TRAPPC9: variants seen among roughly 807,000 people sequenced by gnomAD.
The protein encoded by TRAPPC9 is IKK2 binding protein.
In TRAPPC9, 83 loss-of-function variants were observed where a neutral mutation model predicts 124.0. The observed-to-expected ratio is 0.67, with a 90% CI of 0.56 to 0.80. The LOEUF is 0.80. Among genes scored for constraint, TRAPPC9 ranks in the 30% least tolerant of loss-of-function variants. The pLI is 0.00. For missense variants in TRAPPC9, 1,302 were observed against 1,508.3 expected, an observed-to-expected ratio of 0.86 and a Z score of 2.27; for synonymous variants, 638 against 617.5, an observed-to-expected ratio of 1.03 and a Z score of -0.49.
intron 17 of TRAPPC9, among the ~76,000 whole-genome samples, chr8:140,190,199 T>A (rs1167891870): frequency 6.6e-6 from 1 of 152,184 alleles, no homozygotes; most frequent in Non-Finnish European, 1.5e-5. Context: ...CTCACGTCTG[T>A]AATCCCAGCA....
At chr8:139,940,012 C>A (rs6983691) in intron 19 of TRAPPC9, among the ~76,000 whole-genome samples, 1 of 152,070 alleles carries the variant, frequency 6.6e-6, no homozygotes, top group Non-Finnish European at 1.5e-5. Context: ...AATGACAGCT[C>A]AATTTGTTGT....
At chr8:140,156,888 A>G (rs1255617694) in intron 17 of TRAPPC9, among the ~76,000 whole-genome samples, 1 of 152,268 alleles carries the variant, frequency 6.6e-6, no homozygotes, top group Non-Finnish European at 1.5e-5. Flanking sequence ...CAGAGGCCCA[A>G]ATAAAATGAG....
chr8:140,123,156 G>A (rs958531154), intron 17 of TRAPPC9, among the ~76,000 whole-genome samples: 4 of 151,620 alleles, frequency 2.6e-5, no homozygotes, highest in African/African-American at 4.9e-5. Flanking sequence ...CTCAGTAACC[G>A]GCCACACCAT....
intron 2 of TRAPPC9, among the ~76,000 whole-genome samples, chr8:140,443,268 T>C (rs1414887515): frequency 1.3e-5 from 2 of 149,080 alleles, no homozygotes; most frequent in African/African-American, 2.5e-5. Context: ...ACCCCGTCTC[T>C]ACTAAAAAAT....
chr8:139,830,870 C>T (rs1825944739), intron 21 of TRAPPC9, among the ~76,000 whole-genome samples: 1 of 152,192 alleles, frequency 6.6e-6, no homozygotes, highest in South Asian at 2.1e-4. Context: ...GAGGGTCCCG[C>T]CCAGGACACC....
chr8:139,800,759 C>G (rs1823445261), intron 21 of TRAPPC9, among the ~76,000 whole-genome samples: 1 of 152,120 alleles, frequency 6.6e-6, no homozygotes, highest in Non-Finnish European at 1.5e-5. Context: ...TTCCCTCTCT[C>G]TGGTATCTTC....
rs531355967 is a variant in TRAPPC9 at position 140,249,673 on chromosome 8, G to A, written c.2431+3104C>T. On this transcript the variant is annotated intron_variant, in intron 16 of 22. Transcript: ENST00000438773. ...GGCTGGAGGGCAGTGGCGCGATCTC[G>A]GCTCACTGCAAGCTCCGCCTCCCGG... Among the ~76,000 whole-genome samples, 897 of 144,154 alleles carry A rather than the reference G, an allele frequency of 6.2e-3. 7 individuals carry two copies. Among genetic ancestry groups the A allele is most frequent in the Middle Eastern group, 0.031 (8 of 262 alleles). The allele number at this position is 144,154 out of a possible 152,430, so 94.6% of individuals were successfully genotyped here. A position where few individuals can be genotyped will look rare whatever the true frequency, so the allele number is the denominator to read the frequency against.
At chr8:140,286,406 C>T (rs536393491) in intron 13 of TRAPPC9, among the ~76,000 whole-genome samples, 1 of 152,090 alleles carries the variant, frequency 6.6e-6, no homozygotes, top group Admixed American at 6.5e-5. Flanking sequence ...GGAAGATCGC[C>T]GGGCCACAGA....
At chr8:140,130,759 G>T (rs1183666305) in intron 17 of TRAPPC9, among the ~76,000 whole-genome samples, 5 of 152,126 alleles carry the variant, frequency 3.3e-5, no homozygotes, top group Admixed American at 3.3e-4. Flanking sequence ...AGTGCTTGGG[G>T]GTGACAGGGC....
In TRAPPC9 at chr8:140,045,650, A is replaced by C. The variant is rs13278749; in HGVS notation, c.2557-21571T>G. On this transcript the variant is annotated intron_variant, in intron 17 of 22. Coordinates refer to ENST00000438773, the MANE Select transcript of TRAPPC9 (RefSeq NM_001160372.4). ...TCGGCAGAAAAAAAAAAAAAAAAAA[A>C]AAAAAAAAACCAAGTCAGGTCCTTT... 2.0e-3 allele frequency among the ~76,000 whole-genome samples: 221 copies of C among 111,572 alleles called. 2 individuals are homozygous for C. Among genetic ancestry groups the C allele is most frequent in the East Asian group, 3.1e-3 (11 of 3,584 alleles). 73.2% of individuals were successfully genotyped at this position (111,572 alleles called of 152,430 possible).
At chr8:140,107,545 A>G (rs773947558) in intron 17 of TRAPPC9, among the ~76,000 whole-genome samples, 1 of 152,260 alleles carries the variant, frequency 6.6e-6, no homozygotes, top group African/African-American at 2.4e-5. Flanking sequence ...AATTGGAGGC[A>G]AATGGTACCG....
rs1341368600 is a variant in TRAPPC9 at position 140,360,070 on chromosome 8, A to G, written c.1475T>C (p.Leu492Pro). 11 of 1,614,232 alleles carry G rather than the reference A, an allele frequency of 6.8e-6. No homozygotes were observed. The highest frequency in any genetic ancestry group is 2.5e-6 in the Non-Finnish European group (3 of 1,180,038). ...CTCACCCTGATCCGACAAGAAGTCCAGCATGGTCTGTAGAAGGAAGGACAG... is the reference window on the plus strand; with the variant it reads ...CTCACCCTGATCCGACAAGAAGTCCGGCATGGTCTGTAGAAGGAAGGACAG... ...RHLSFLLQTM[L>P]DFLSDQEKKD... Residue 492 changes from leucine (L) to proline (P), a missense_variant, in exon 9 of 23, where the codon CTG (leucine) becomes CCG (proline). By Grantham distance (98) the Leu-to-Pro change is moderately conservative (BLOSUM62 -3). This residue lies in a region of TRAPPC9 where 657 missense variants were observed against 811.2 expected (regional missense o/e 0.81). Coordinates refer to ENST00000438773, the MANE Select transcript of TRAPPC9 (RefSeq NM_001160372.4).
chr8:140,205,183 G>A (rs1480292765), intron 17 of TRAPPC9, among the ~76,000 whole-genome samples: 1 of 152,174 alleles, frequency 6.6e-6, no homozygotes, highest in African/African-American at 2.4e-5. Flanking sequence ...AAAATTCTTA[G>A]TGTCACCAGG....
At chr8:140,236,981 G>A (rs1326083919) in intron 16 of TRAPPC9, among the ~76,000 whole-genome samples, 1 of 152,006 alleles carries the variant, frequency 6.6e-6, no homozygotes, top group Non-Finnish European at 1.5e-5. Flanking sequence ...AGGAGTTTGA[G>A]ACCAGCCTGG....
intron 17 of TRAPPC9, among the ~76,000 whole-genome samples, chr8:140,109,215 C>T (rs1361825751): frequency 6.6e-6 from 1 of 152,156 alleles, no homozygotes; most frequent in South Asian, 2.1e-4. Context: ...GGCCCCCCTA[C>T]CTGCTGAGCA....
chr8:139,758,546 C>A (rs955405631), intron 21 of TRAPPC9, among the ~76,000 whole-genome samples: 1 of 152,122 alleles, frequency 6.6e-6, no homozygotes, highest in African/African-American at 2.4e-5. Flanking sequence ...GATGGGGATG[C>A]AGACACAGGG....
chr8:139,835,403 C>T lies in TRAPPC9; in HGVS notation c.3055+50476G>A, dbSNP rs528656829. Among the ~76,000 whole-genome samples the T allele has an allele frequency of 4.7e-4, 71 of 152,388 alleles. 2 individuals carry two copies. Among genetic ancestry groups the T allele is most frequent in the Middle Eastern group, 3.4e-3 (1 of 294 alleles). ...TGCTCTGCGACTCTGCAGCAAGCAT[C>T]CTCGCCGCCGTCCAGCCTTCCCTCC... On this transcript the variant is annotated intron_variant, in intron 21 of 22. Coordinates refer to ENST00000438773, the MANE Select transcript of TRAPPC9 (RefSeq NM_001160372.4).
At chr8:140,337,629 G>A (rs949207978) in intron 9 of TRAPPC9, among the ~76,000 whole-genome samples, 9 of 152,178 alleles carry the variant, frequency 5.9e-5, no homozygotes, top group South Asian at 4.1e-4. Context: ...CATGCAGCAC[G>A]TGGGTGCGGG....
At chr8:140,432,906 C>T (rs1465610719) in intron 4 of TRAPPC9, among the ~76,000 whole-genome samples, 2 of 151,534 alleles carry the variant, frequency 1.3e-5, no homozygotes, top group African/African-American at 4.9e-5. Context: ...ATATTTCAGT[C>T]AGTAAATAGC....
Sources: allele counts gnomAD v4.1 joint callset (sites outside exome capture counted in the v4.1 genomes callset), GRCh38; gene constraint gnomAD v4.1.1; regional missense constraint gnomAD v4.1.1; transcripts MANE v1.5; gene names NCBI Gene and HGNC (gene_info 2026-07-23, HGNC 2026-07-21).